The following MAP2K4 variants were observed in gnomAD, a reference collection of about 807,000 sequenced individuals.
MAP2K4 encodes dual specificity mitogen-activated protein kinase kinase 4.
MAP2K4 carries 4 observed loss-of-function variants against 48.5 expected under a neutral mutation model. The observed-to-expected ratio is 0.08, with a 90% CI of 0.04 to 0.19. The LOEUF (loss-of-function observed/expected upper bound fraction) is 0.19, where lower values mean the gene tolerates loss of function less well. Among genes scored for constraint, MAP2K4 ranks in the 10% least tolerant of loss-of-function variants. The pLI is 1.00. For missense variants in MAP2K4, 258 were observed against 493.3 expected (o/e 0.52, Z 4.52); for synonymous variants, 166 against 173.1 (o/e 0.96, Z 0.32).
intron 1 of MAP2K4, among the ~76,000 whole-genome samples, chr17:12,021,660 G>C (rs1378032795): frequency 6.6e-6 from 1 of 151,694 alleles, no homozygotes; most frequent in East Asian, 1.9e-4. Flanking sequence ...CTGTAAGGTA[G>C]GTAGGCTGCA....
chr17:12,072,807 T>A (rs948078634), intron 2 of MAP2K4, among the ~76,000 whole-genome samples: 1 of 152,186 alleles, frequency 6.6e-6, no homozygotes, highest in African/African-American at 2.4e-5. Context: ...ATTGTTTTCC[T>A]TTTCTCATCG....
chr17:12,064,336 C>T lies in MAP2K4; in HGVS notation c.218+9345C>T, dbSNP rs188980862. 9.4e-4 allele frequency among the ~76,000 whole-genome samples: 143 copies of T among 152,262 alleles called. 2 individuals carry two copies. The East Asian group carries it at 0.022, about 23-fold the overall frequency. Reference sequence around the variant, plus strand: ...TCCTTAAGTGATCCCCCTGCCTCGGCCTCCCAGAGTGCTAGTATTACAGGC... The same window carrying T: ...TCCTTAAGTGATCCCCCTGCCTCGGTCTCCCAGAGTGCTAGTATTACAGGC... On this transcript the variant is annotated intron_variant, in intron 2 of 10. Coordinates refer to ENST00000353533, the MANE Select transcript of MAP2K4 (RefSeq NM_003010.4).
chr17:12,087,959 A>T (rs892350053), intron 3 of MAP2K4, among the ~76,000 whole-genome samples: 1 of 152,092 alleles, frequency 6.6e-6, no homozygotes, highest in Non-Finnish European at 1.5e-5. Context: ...ACTCTAGCTG[A>T]TAAGGAGGAA....
chr17:12,054,475 A>C (rs1052061171), intron 1 of MAP2K4, among the ~76,000 whole-genome samples: 3 of 152,148 alleles, frequency 2.0e-5, no homozygotes, highest in African/African-American at 7.2e-5. Context: ...TCTGTTGTTT[A>C]TATTCATTAA....
chr17:12,092,614 A>G (rs1345315899), intron 3 of MAP2K4, among the ~76,000 whole-genome samples: 2 of 152,224 alleles, frequency 1.3e-5, no homozygotes, highest in African/African-American at 2.4e-5. Flanking sequence ...AGTTACTGCT[A>G]TTATAGGCAT....
intron 4 of MAP2K4, among the ~76,000 whole-genome samples, chr17:12,100,798 G>A (rs961891816): frequency 6.6e-6 from 1 of 152,122 alleles, no homozygotes; most frequent in East Asian, 1.9e-4. Flanking sequence ...TAATTTGCAT[G>A]TTTCTAATGA....
chr17:12,028,303 A>G (rs184644637), intron 1 of MAP2K4, among the ~76,000 whole-genome samples: 169 of 152,318 alleles, frequency 1.1e-3, no homozygotes, highest in Non-Finnish European at 2.1e-3. Context: ...AAGGGATTTG[A>G]TGAGTATTTT....
intron 7 of MAP2K4, among the ~76,000 whole-genome samples, chr17:12,121,574 CAAAAAAAAAAA>C (rs10569548): frequency 2.0e-5 from 2 of 101,544 alleles, no homozygotes; most frequent in African/African-American, 8.0e-5. Flanking sequence ...GACTCCGTCT[CAAAAAAAAAAA>C]AAAAAAAAAG....
intron 2 of MAP2K4, among the ~76,000 whole-genome samples, chr17:12,058,378 T>C (rs1381090989): frequency 1.3e-5 from 2 of 152,140 alleles, no homozygotes; most frequent in Non-Finnish European, 1.5e-5. Flanking sequence ...AACTTCCTTA[T>C]AGAAAGAAGT....
intron 1 of MAP2K4, among the ~76,000 whole-genome samples, chr17:12,045,009 A>G (rs1969915953): frequency 6.6e-6 from 1 of 152,198 alleles, no homozygotes; most frequent in Non-Finnish European, 1.5e-5. Flanking sequence ...CCAAAAATAT[A>G]TATTTCTCAA....
Position 12,081,956 on chromosome 17 carries a change from C to T in MAP2K4, c.393+426C>T, listed in dbSNP as rs1971202561. On this transcript the variant is annotated intron_variant, in intron 3 of 10. Transcript: ENST00000353533. This position sits in a 1 kb window ranked among gnomAD's most constrained non-coding sequence, Gnocchi z 4.2. ...GTCTTACTGAAGGTTTCCTGGAAAC[C>T]ACGCACATGCTGTTGCCACTAACCT... The T allele has an allele frequency of 1.9e-6, 1 of 533,830 alleles. No individual in the cohort carries two copies. The highest frequency in any genetic ancestry group is 1.4e-5 in the South Asian group (1 of 70,954). The allele number at this position is 533,830 out of a possible 1,614,324, so 33.1% of individuals were successfully genotyped here. A position where few individuals can be genotyped will look rare whatever the true frequency, so the allele number is the denominator to read the frequency against.
At chr17:12,038,079 A>G (rs922929647) in intron 1 of MAP2K4, among the ~76,000 whole-genome samples, 8 of 152,140 alleles carry the variant, frequency 5.3e-5, no homozygotes, top group African/African-American at 1.9e-4. Context: ...TTTCATTTAT[A>G]TGCCACTTGA....
intron 3 of MAP2K4, among the ~76,000 whole-genome samples, chr17:12,088,716 G>T (rs551771274): frequency 6.7e-6 from 1 of 149,548 alleles, no homozygotes; most frequent in South Asian, 2.1e-4. Context: ...CCCATGTGCT[G>T]TGTTTGCTCA....
intron 7 of MAP2K4, chr17:12,124,269 G>A (rs918599236): frequency 1.3e-5 from 2 of 152,178 alleles, no homozygotes; most frequent in African/African-American, 4.8e-5. Flanking sequence ...TGTCAACTCT[G>A]TGCCAACAGG....
At chr17:12,064,978 C>T (rs895527087) in intron 2 of MAP2K4, among the ~76,000 whole-genome samples, 22 of 152,234 alleles carry the variant, frequency 1.4e-4, no homozygotes, top group African/African-American at 5.3e-4. Flanking sequence ...CTGATTCTAT[C>T]TCTATGAAAT....
Position 12,033,172 on chromosome 17 carries a change from A to G in MAP2K4, c.115+12171A>G, listed in dbSNP as rs150420406. 3.4e-3 allele frequency among the ~76,000 whole-genome samples: 523 copies of G among 152,256 alleles called. 3 individuals carry two copies. The highest frequency in any genetic ancestry group is 0.012 in the African/African-American group (492 of 41,542). ...GCATTTAAGCTTAAATGTCATCTGT[A>G]TCAAGTACAGTTAAAAAAATCTCAT... On this transcript the variant is annotated intron_variant, in intron 1 of 10. Coordinates refer to ENST00000353533, the MANE Select transcript of MAP2K4 (RefSeq NM_003010.4).
chr17:12,141,069 G>A, intron 10 of MAP2K4, 78 bp from the exon 11 acceptor site: 1 of 856,958 alleles, frequency 1.2e-6, no homozygotes, highest in South Asian at 1.4e-5. Context: ...GGAGTTCTAT[G>A]TTCTATAGAA....
At chr17:12,116,373 A>G (rs1288368039) in intron 7 of MAP2K4, among the ~76,000 whole-genome samples, 1 of 152,188 alleles carries the variant, frequency 6.6e-6, no homozygotes, top group Non-Finnish European at 1.5e-5. Context: ...CTAGGATGCT[A>G]CTGTAGACTT....
chr17:12,022,056 A>G (rs1333798035), intron 1 of MAP2K4, among the ~76,000 whole-genome samples: 1 of 152,208 alleles, frequency 6.6e-6, no homozygotes, highest in Admixed American at 6.5e-5. Context: ...TGAATTATTA[A>G]CAGAATAAGG....
Sources: allele counts gnomAD v4.1 joint callset (sites outside exome capture counted in the v4.1 genomes callset), GRCh38; gene constraint gnomAD v4.1.1; non-coding constraint Gnocchi (gnomAD v3.1); transcripts MANE v1.5; gene names NCBI Gene and HGNC (gene_info 2026-07-23, HGNC 2026-07-21).